Variants in ARHGAP10 observed in about 807,000 individuals in gnomAD.
ARHGAP10 encodes the protein rho GTPase-activating protein 10.
Under a neutral mutation model 108.6 loss-of-function variants are expected in ARHGAP10, and 87 were observed. That is an observed-to-expected ratio of 0.80 (90% CI 0.67 to 0.96). The LOEUF (loss-of-function observed/expected upper bound fraction) is 0.96, where lower values mean the gene tolerates loss of function less well. Among genes scored for constraint, ARHGAP10 ranks in the 40% least tolerant of loss-of-function variants. The probability of loss-of-function intolerance (pLI) is 0.00; values close to 1 mark genes in which losing one functional copy is unlikely to be tolerated. For missense variants in ARHGAP10, 939 were observed against 954.5 expected (o/e 0.98, Z 0.21); for synonymous variants, 347 against 341.1 (o/e 1.02, Z -0.19).
intron 15 of ARHGAP10, 96 bp from the exon 16 acceptor site, chr4:147,955,220 A>C (rs1452858499): frequency 1.7e-6 from 2 of 1,179,152 alleles, no homozygotes; most frequent in Non-Finnish European, 2.4e-6. Flanking sequence ...ACATTAATTA[A>C]GAAATGCATA....
chr4:147,947,778 C>T (rs188113005), intron 15 of ARHGAP10, among the ~76,000 whole-genome samples: 3 of 151,964 alleles, frequency 2.0e-5, no homozygotes, highest in African/African-American at 4.8e-5. Context: ...TGGATACATT[C>T]GAATCAACTT....
At chr4:147,865,777 G>C (rs1734531529) in intron 6 of ARHGAP10, 10 of 152,184 alleles carry the variant, frequency 6.6e-5, no homozygotes, top group Admixed American at 6.5e-4. Flanking sequence ...TGGTTTAGTT[G>C]GAGCGATAGT....
chr4:148,044,272 C>A (rs1187797188), intron 19 of ARHGAP10, among the ~76,000 whole-genome samples: 1 of 152,020 alleles, frequency 6.6e-6, no homozygotes, highest in Non-Finnish European at 1.5e-5. Context: ...AGGCATCTTT[C>A]AAAAGTAACA....
intron 10 of ARHGAP10, among the ~76,000 whole-genome samples, chr4:147,882,228 C>T (rs574076457): frequency 2.0e-5 from 3 of 151,966 alleles, no homozygotes; most frequent in East Asian, 1.9e-4. Flanking sequence ...TTTGGGAGGC[C>T]GAGGTGGGCA....
chr4:147,785,615 C>T (rs1560757624), intron 1 of ARHGAP10, among the ~76,000 whole-genome samples: 1 of 152,112 alleles, frequency 6.6e-6, no homozygotes, highest in East Asian at 1.9e-4. Flanking sequence ...CTTCCCTCCC[C>T]CTACAACATT....
intron 18 of ARHGAP10, among the ~76,000 whole-genome samples, chr4:148,003,565 C>A (rs1027911531): frequency 6.6e-6 from 1 of 152,144 alleles, no homozygotes; most frequent in African/African-American, 2.4e-5. Context: ...TTGTAGGTCT[C>A]TAAGGACTTG....
At chr4:147,933,014 T>A (rs1737764797) in intron 13 of ARHGAP10, among the ~76,000 whole-genome samples, 2 of 152,212 alleles carry the variant, frequency 1.3e-5, no homozygotes, top group Admixed American at 6.5e-5. Flanking sequence ...TTTTGATTTT[T>A]AAAAATTATT....
intron 1 of ARHGAP10, among the ~76,000 whole-genome samples, chr4:147,821,772 G>A (rs77858603): frequency 0.013 from 2,046 of 152,324 alleles, 43 homozygotes; most frequent in South Asian, 0.056. Context: ...AGACACACAG[G>A]AAGACAGCAG....
In ARHGAP10 at chr4:148,067,319, G is replaced by C. The variant is rs1729940282; in HGVS notation, c.2272+2812G>C. 3.9e-5 allele frequency among the ~76,000 whole-genome samples: 6 copies of C among 152,340 alleles called. No homozygotes were observed. In the South Asian group the frequency reaches 1.0e-3, roughly 26 times the overall value. On this transcript the variant is annotated intron_variant, in intron 22 of 22. Coordinates refer to ENST00000336498, the MANE Select transcript of ARHGAP10 (RefSeq NM_024605.4). Reference sequence around the variant, plus strand: ...TGTGTGTTTGCACCTTACATCTTCTGTGCATAGTTGATCTCTTAGCTAGTT... The same window carrying C: ...TGTGTGTTTGCACCTTACATCTTCTCTGCATAGTTGATCTCTTAGCTAGTT...
chr4:147,923,777 A>G (rs915313095), intron 13 of ARHGAP10, among the ~76,000 whole-genome samples: 3 of 152,222 alleles, frequency 2.0e-5, no homozygotes, highest in Non-Finnish European at 4.4e-5. Flanking sequence ...TTAGAATTGT[A>G]TGGGGTTCTC....
At chr4:148,015,465 G>GTT (rs755957086) in intron 18 of ARHGAP10, among the ~76,000 whole-genome samples, 42 of 152,144 alleles carry the variant, frequency 2.8e-4, no homozygotes, top group Non-Finnish European at 5.1e-4. Flanking sequence ...AAGATTCTGA[G>GTT]TTTTAGTGAA....
At chr4:147,753,073 G>C (rs1216775704) in intron 1 of ARHGAP10, among the ~76,000 whole-genome samples, 2 of 152,192 alleles carry the variant, frequency 1.3e-5, no homozygotes, top group African/African-American at 2.4e-5. Flanking sequence ...CAAAGTAATA[G>C]TATCAGTGAA....
At chr4:147,865,237 G>T in intron 6 of ARHGAP10, 1 of 259,634 alleles carries the variant, frequency 3.9e-6, no homozygotes, top group Non-Finnish European at 7.3e-6. Flanking sequence ...TTAGCCTATA[G>T]CTCTATCTTT....
chr4:147,813,965 TC>T (rs1482557057), intron 1 of ARHGAP10, among the ~76,000 whole-genome samples: 6 of 152,240 alleles, frequency 3.9e-5, no homozygotes, highest in Admixed American at 3.3e-4. Context: ...GTCTCCATAT[TC>T]CATGCTGTGT....
Position 147,734,591 on chromosome 4 carries a change from G to T in ARHGAP10, c.154+2136G>T, listed in dbSNP as rs139958661. ...TTCTAGTTCCTATCAAAGACTAAGA[G>T]CCTTGGACTAAAGTCAGGGGACCTG... On this transcript the variant is annotated intron_variant, in intron 1 of 22. Transcript: ENST00000336498. Among the ~76,000 whole-genome samples, 767 of 152,258 alleles carry T rather than the reference G, an allele frequency of 5.0e-3. 10 individuals carry two copies. The highest frequency in any genetic ancestry group is 0.017 in the African/African-American group (688 of 41,558).
Position 147,732,283 on chromosome 4 carries a change from CGCAGCGACCGCTGCCGTCATGGGGCT to C in ARHGAP10, c.-13_13del. 6.3e-7 allele frequency: 1 copy of C among 1,588,338 alleles called. No homozygotes were observed. The highest frequency in any genetic ancestry group is 8.5e-7 in the Non-Finnish European group (1 of 1,170,032). Reference sequence around the variant, plus strand: ...CAGGAGCGCGCGGCCGTGCGCACCGCGCAGCGACCGCTGCCGTCATGGGGCTGCAGCCCCTGGAGTTCAGCGACTGC... The same window carrying C: ...CAGGAGCGCGCGGCCGTGCGCACCGCGCAGCCCCTGGAGTTCAGCGACTGC... On this transcript the variant is annotated start_lost and 5_prime_UTR_variant, in exon 1 of 23. Transcript: ENST00000336498.
intron 1 of ARHGAP10, among the ~76,000 whole-genome samples, chr4:147,736,610 C>G (rs988709082): frequency 1.2e-4 from 18 of 152,164 alleles, no homozygotes; most frequent in Admixed American, 6.5e-5. Context: ...TTCCTTTTCC[C>G]CTCTGACAAT....
At chr4:148,014,192 T>C (rs1741269289) in intron 18 of ARHGAP10, among the ~76,000 whole-genome samples, 1 of 152,244 alleles carries the variant, frequency 6.6e-6, no homozygotes, top group South Asian at 2.1e-4. Context: ...TGTAAACTTT[T>C]TGTTTGCATG....
intron 6 of ARHGAP10, chr4:147,866,070 A>G (rs1734544483): frequency 6.6e-6 from 1 of 152,196 alleles, no homozygotes; most frequent in Non-Finnish European, 1.5e-5. Flanking sequence ...CCAGATTCCT[A>G]ACCACCCACG....
Sources: gnomAD v4.1 joint callset for allele counts (sites outside exome capture counted in the v4.1 genomes callset) on GRCh38, gnomAD v4.1.1 for gene constraint, MANE v1.5 for transcripts, NCBI Gene and HGNC (gene_info 2026-07-23, HGNC 2026-07-21) for gene names.